The following PKD1 variants were observed in gnomAD, a reference collection of about 807,000 sequenced individuals.
The protein encoded by PKD1 is polycystin-1.
PKD1 carries 81 observed loss-of-function variants against 361.7 expected under a neutral mutation model. The ratio of observed to expected loss-of-function variants is 0.22; its 90% confidence interval spans 0.19 to 0.27. The LOEUF is 0.27. Ranked by LOEUF, PKD1 falls within the 10% of genes least tolerant of loss-of-function variation. PKD1 has a pLI of 1.00. For synonymous variants in PKD1, 3,615 were observed against 2,818.3 expected (o/e 1.28, Z -8.95); for missense variants, 6,399 against 6,118.3 (o/e 1.05, Z -1.53).
chr16:2,119,693 C>T (rs2092691077), intron 1 of PKD1: 2 of 604,578 alleles, frequency 3.3e-6, no homozygotes, highest in Admixed American at 5.8e-5. Context: ...AGGGCCAAGG[C>T]CCCCCATCCC....
Position 2,100,815 on chromosome 16 carries a change from C to G in PKD1, c.9398-249G>C. 1 of 548,632 alleles carries G rather than the reference C, an allele frequency of 1.8e-6. No individual in the cohort carries two copies. The highest frequency in any genetic ancestry group is 3.1e-5 in the East Asian group (1 of 31,856). 34.0% of individuals were successfully genotyped at this position (548,632 alleles called of 1,614,324 possible). A position where few individuals can be genotyped will look rare whatever the true frequency, so the allele number is the denominator to read the frequency against. ...CTTGTGACATGCAAACATGGCTGCA[C>G]ACGCCTCAGTCCACACCACAACCAG... On this transcript the variant is annotated intron_variant, in intron 26 of 45. Transcript: ENST00000262304. This position sits in a 1 kb window ranked among gnomAD's most constrained non-coding sequence, Gnocchi z 4.4.
chr16:2,095,597 C>T (rs1022314503), intron 34 of PKD1, among the ~76,000 whole-genome samples: 15 of 152,164 alleles, frequency 9.9e-5, no homozygotes, highest in African/African-American at 3.4e-4. Context: ...CAGGCTCAGG[C>T]GCAGGGAAGG....
chr16:2,090,480 T>C lies in PKD1; in HGVS notation c.12249A>G (p.Ser4083=), dbSNP rs2091445505. ...TLCPAESWHL[S]PLLCVGLWAL... ...CCCAGAGCCCCACACACAGCAGGGG[T>C]GACAGGTGCCAGGACTCGGCAGGAC... is the stretch of plus-strand genomic sequence containing the variant. Residue 4083 remains serine, a synonymous_variant, in exon 45 of 46, where the codon TCA becomes TCG. Transcript: ENST00000262304. The C allele has an allele frequency of 3.7e-6, 6 of 1,611,810 alleles. No homozygotes were observed. Among genetic ancestry groups the C allele is most frequent in the Non-Finnish European group, 3.4e-6 (4 of 1,179,660 alleles).
chr16:2,093,377 G>A (rs1044213251), intron 37 of PKD1, 167 bp downstream of exon 37: 16 of 731,262 alleles, frequency 2.2e-5, no homozygotes, highest in Non-Finnish European at 2.2e-6. Context: ...GGGGCAGCAA[G>A]TGGGGGGCGT....
In PKD1 at chr16:2,090,021, T is replaced by C; in HGVS notation, c.12618A>G (p.Thr4206=). Residue 4206 remains threonine, a synonymous_variant, in exon 46 of 46, where the codon ACA becomes ACG. Coordinates refer to ENST00000262304, the MANE Select transcript of PKD1 (RefSeq NM_001009944.3). The part of the protein sequence containing the change: ...GLSVSLGRLG[T]RCEPEPSRLQ... ...GGCGGGAGGGCTCAGGCTCACACCTTGTCCCCAGCCGGCCCAGGCTCACGC... is the reference window on the plus strand; with the variant it reads ...GGCGGGAGGGCTCAGGCTCACACCTCGTCCCCAGCCGGCCCAGGCTCACGC... 6.2e-7 allele frequency: 1 copy of C among 1,610,588 alleles called. No homozygotes were observed. The highest frequency in any genetic ancestry group is 8.5e-7 in the Non-Finnish European group (1 of 1,179,134).
rs1227027608 is a variant in PKD1 at position 2,108,588 on chromosome 16, G to A, written c.6579C>T (p.Ala2193=). Residue 2193 remains alanine, a synonymous_variant, in exon 15 of 46, where the codon GCC becomes GCT. Transcript: ENST00000262304. ...CTGGGCGCCCCGGCCGCTGGCAGCT[G>A]GCGGTGCGATACACCTCCCAGCGGT... The part of the protein sequence containing the change: ...TEYRWEVYRT[A]SCQRPGRPAR... 5.1e-6 allele frequency: 8 copies of A among 1,558,468 alleles called. No individual in the cohort carries two copies. The South Asian group carries it at 7.0e-5, about 14-fold the overall frequency.
intron 15 of PKD1, 28 bp from the exon 16 acceptor site, chr16:2,108,060 G>C: frequency 6.3e-7 from 1 of 1,583,118 alleles, no homozygotes; most frequent in Non-Finnish European, 8.6e-7. Flanking sequence ...GGGGCGACGT[G>C]GCCTGAGAGC....
At chr16:2,127,858 A>G (rs1311245664) in intron 1 of PKD1, among the ~76,000 whole-genome samples, 1 of 147,862 alleles carries the variant, frequency 6.8e-6, no homozygotes, top group Non-Finnish European at 1.5e-5. Flanking sequence ...TCCTTCCTGA[A>G]ACTGAACAGG....
At chr16:2,107,456 C>A (rs1466812091) in intron 16 of PKD1, 8 of 361,802 alleles carry the variant, frequency 2.2e-5, no homozygotes, top group South Asian at 1.7e-4. Flanking sequence ...CTCTGGGGCA[C>A]CAGCAGGCCC....
At chr16:2,124,797 G>C (rs924456790) in intron 1 of PKD1, among the ~76,000 whole-genome samples, 16 of 152,360 alleles carry the variant, frequency 1.1e-4, no homozygotes, top group African/African-American at 3.4e-4. Context: ...AACTGGGCTG[G>C]GGGGACCGGC....
chr16:2,094,486 C>G (rs561085378), intron 34 of PKD1, among the ~76,000 whole-genome samples: 3 of 152,306 alleles, frequency 2.0e-5, no homozygotes, highest in African/African-American at 7.2e-5. Context: ...GACCAGCTGC[C>G]CTTACAGCAG....
chr16:2,111,157 G>A lies in PKD1; in HGVS notation c.4010C>T (p.Thr1337Met), dbSNP rs370569512. ...DWTFGDGSSN[T>M]TVRGCPTVTH... ...CACCGTCGGGCACCCCCGCACGGTCGTGTTGGAGGAGCCATCCCCGAAGGT... is the reference window on the plus strand; with the variant it reads ...CACCGTCGGGCACCCCCGCACGGTCATGTTGGAGGAGCCATCCCCGAAGGT... The change falls in exon 15 of 46, where the codon ACG (threonine) becomes ATG (methionine). Residue 1337 changes from threonine to methionine, a missense_variant. Transcript: ENST00000262304. 28 of 1,611,120 alleles carry A rather than the reference G, an allele frequency of 1.7e-5. No homozygotes were observed. Among genetic ancestry groups the A allele is most frequent in the Middle Eastern group, 2.0e-4 (1 of 5,022 alleles).
chr16:2,093,326 C>G (rs1447873838), intron 37 of PKD1: 1 of 677,002 alleles, frequency 1.5e-6, no homozygotes, highest in East Asian at 2.7e-5. Flanking sequence ...CCTTCAGGGC[C>G]AGGCAGGAGT....
At chr16:2,116,472 G>T in intron 8 of PKD1, 57 bp downstream of exon 8, 2 of 973,014 alleles carry the variant, frequency 2.1e-6, no homozygotes, top group Non-Finnish European at 3.2e-6. Flanking sequence ...GGCAGGGCAG[G>T]CAAGGCCTCC....
intron 1 of PKD1, among the ~76,000 whole-genome samples, chr16:2,129,169 T>C (rs573770516): frequency 6.7e-6 from 1 of 150,206 alleles, no homozygotes; most frequent in Non-Finnish European, 1.5e-5. Flanking sequence ...CCTGTTTTTT[T>C]TTTTTTTTTT....
intron 1 of PKD1, among the ~76,000 whole-genome samples, chr16:2,126,221 T>G (rs1380106167): frequency 6.6e-6 from 1 of 152,238 alleles, no homozygotes; most frequent in East Asian, 1.9e-4. Flanking sequence ...CCCACAGCTG[T>G]GACGTTCCCT....
chr16:2,112,407 C>T lies in PKD1; in HGVS notation c.3228G>A (p.Pro1076=), dbSNP rs2575316. Residue 1076 remains proline, a synonymous_variant, in exon 14 of 46, where the codon CCG becomes CCA. Coordinates refer to ENST00000262304, the MANE Select transcript of PKD1 (RefSeq NM_001009944.3). ...QFQPPYNESF[P]VPDPSVAQVL... ...CCTGGGCCACCGAGGGGTCTGGAAC[C>T]GGGAAGGACTCGTTGTACGGAGGCT... 684 of 1,586,692 alleles carry T rather than the reference C, an allele frequency of 4.3e-4. 1 individual carries two copies. The highest frequency in any genetic ancestry group is 5.0e-4 in the Non-Finnish European group (587 of 1,173,460).
At position 2,114,163 on chromosome 16, in the gene PKD1, T is replaced by C. The variant is rs906489427; in HGVS notation, c.2853+7A>G. 5 of 1,603,152 alleles carry C rather than the reference T, an allele frequency of 3.1e-6. No homozygotes were observed. The Admixed American group carries it at 5.0e-5, about 16-fold the overall frequency. ...GGGGCTGGTGGTGGAGCCTCGGCCA[T>C]ACTCACCACTAGGACTCCCTGCAGT... is the stretch of plus-strand genomic sequence containing the variant. On this transcript the variant is annotated splice_region_variant and intron_variant, in intron 11 of 45. Transcript: ENST00000262304.
chr16:2,130,267 C>G (rs2092855638), intron 1 of PKD1, among the ~76,000 whole-genome samples: 3 of 152,204 alleles, frequency 2.0e-5, no homozygotes, highest in Admixed American at 2.0e-4. Flanking sequence ...CGCTCGGCTG[C>G]CAGGGCTCTT....
Sources: allele counts gnomAD v4.1 joint callset (sites outside exome capture counted in the v4.1 genomes callset), GRCh38; gene constraint gnomAD v4.1.1; non-coding constraint Gnocchi (gnomAD v3.1); transcripts MANE v1.5; gene names NCBI Gene and HGNC (gene_info 2026-07-23, HGNC 2026-07-21).